Variants in VPS13B observed in about 807,000 individuals in gnomAD.
VPS13B encodes the protein intermembrane lipid transfer protein VPS13B.
In VPS13B, 285 loss-of-function variants were observed where a neutral mutation model predicts 426.4. The observed-to-expected ratio is 0.67, with a 90% CI of 0.61 to 0.74. The LOEUF (loss-of-function observed/expected upper bound fraction) is 0.74. Among genes scored for constraint, VPS13B ranks in the 30% least tolerant of loss-of-function variants. The probability of loss-of-function intolerance (pLI) is 0.00; values close to 1 mark genes in which losing one functional copy is unlikely to be tolerated. For synonymous variants in VPS13B, 1,676 were observed against 1,676.4 expected, an observed-to-expected ratio of 1.00 and a Z score of 0.01; for missense variants, 4,537 against 4,782.6, an observed-to-expected ratio of 0.95 and a Z score of 1.51.
chr8:99,127,667 A>G (rs992097721), intron 8 of VPS13B, among the ~76,000 whole-genome samples: 8 of 152,186 alleles, frequency 5.3e-5, no homozygotes, highest in African/African-American at 1.9e-4. Flanking sequence ...TGCATTCTTA[A>G]AAATTATTGA....
At chr8:99,112,881 T>C (rs1023948835) in intron 6 of VPS13B, among the ~76,000 whole-genome samples, 3 of 152,186 alleles carry the variant, frequency 2.0e-5, no homozygotes, top group Admixed American at 1.3e-4. Flanking sequence ...TGATTAGTCA[T>C]TACATTTCAC....
rs1025101062 is a variant in VPS13B at position 99,787,948 on chromosome 8, T to C, written c.7941+3472T>C. ...GTTACCAATGACTTAATTGTGGTAA[T>C]CAAACCATCAAGCAAGTGGAAATAG... is the stretch of plus-strand genomic sequence containing the variant. On this transcript the variant is annotated intron_variant, in intron 43 of 61. Coordinates refer to ENST00000357162, the MANE Select transcript of VPS13B (RefSeq NM_152564.5). Among the ~76,000 whole-genome samples, 4 of 152,140 alleles carry C rather than the reference T, an allele frequency of 2.6e-5. No individual in the cohort carries two copies. The South Asian group carries it at 8.3e-4, about 32-fold the overall frequency.
intron 20 of VPS13B, among the ~76,000 whole-genome samples, chr8:99,386,189 G>A (rs1814113006): frequency 6.6e-6 from 1 of 152,170 alleles, no homozygotes. Context: ...AGATATCCCT[G>A]AAGGTCAAGT....
intron 12 of VPS13B, among the ~76,000 whole-genome samples, chr8:99,138,223 T>G (rs368811369): frequency 6.6e-6 from 1 of 152,186 alleles, no homozygotes; most frequent in Non-Finnish European, 1.5e-5. Context: ...GCCTCCCTGG[T>G]TCAAGCGATT....
At chr8:99,126,653 A>G (rs1242122104) in intron 8 of VPS13B, among the ~76,000 whole-genome samples, 1 of 152,244 alleles carries the variant, frequency 6.6e-6, no homozygotes, top group African/African-American at 2.4e-5. Context: ...GGATTGATTT[A>G]TGAGTCTAAG....
At chr8:99,749,913 G>A (rs1364213115) in intron 39 of VPS13B, among the ~76,000 whole-genome samples, 2 of 151,952 alleles carry the variant, frequency 1.3e-5, no homozygotes, top group Admixed American at 6.6e-5. Context: ...ATTATTGCCT[G>A]TCTTTTGGAT....
At chr8:99,372,842 C>T (rs1458677157) in intron 19 of VPS13B, among the ~76,000 whole-genome samples, 1 of 152,204 alleles carries the variant, frequency 6.6e-6, no homozygotes, top group East Asian at 1.9e-4. Context: ...ATGAATCATT[C>T]TACTATAAAG....
chr8:99,101,862 A>G (rs1043227611), intron 4 of VPS13B, among the ~76,000 whole-genome samples: 1 of 152,236 alleles, frequency 6.6e-6, no homozygotes, highest in Non-Finnish European at 1.5e-5. Flanking sequence ...ATTCTGGGTT[A>G]AAGAATACAA....
At chr8:99,020,347 G>C (rs1013816251) in intron 2 of VPS13B, among the ~76,000 whole-genome samples, 1 of 152,052 alleles carries the variant, frequency 6.6e-6, no homozygotes, top group Non-Finnish European at 1.5e-5. Flanking sequence ...TTTTGTTGTT[G>C]TTGAGTTATA....
chr8:99,478,447 GTTTT>G (rs56261645), intron 24 of VPS13B, among the ~76,000 whole-genome samples: 8 of 85,746 alleles, frequency 9.3e-5, no homozygotes, highest in Admixed American at 2.9e-4. Context: ...TTTTTGTTTT[GTTTT>G]TTTTTTTTTT....
chr8:99,550,432 T>A (rs761274280), intron 30 of VPS13B, among the ~76,000 whole-genome samples: 7 of 151,844 alleles, frequency 4.6e-5, no homozygotes, highest in South Asian at 4.2e-4. Flanking sequence ...CCGTAAAATC[T>A]TTGTTGCTAT....
intron 7 of VPS13B, among the ~76,000 whole-genome samples, chr8:99,120,743 G>A (rs1265601338): frequency 6.6e-6 from 1 of 152,014 alleles, no homozygotes; most frequent in Non-Finnish European, 1.5e-5. Flanking sequence ...CATGGGTGCT[G>A]ATCAGGAAAT....
At chr8:99,135,171 G>A (rs1227092015) in intron 10 of VPS13B, 34 bp downstream of exon 10, 1 of 1,611,522 alleles carries the variant, frequency 6.2e-7, no homozygotes, top group Non-Finnish European at 8.5e-7. Flanking sequence ...TTTTGGATAG[G>A]ATATAGGAAT....
At chr8:99,468,782 G>A (rs543185084) in intron 24 of VPS13B, among the ~76,000 whole-genome samples, 38 of 152,202 alleles carry the variant, frequency 2.5e-4, no homozygotes, top group African/African-American at 8.9e-4. Context: ...AATCATAAAT[G>A]TTAAATGTTT....
chr8:99,849,002 G>A (rs1050862476), intron 55 of VPS13B, 108 bp downstream of exon 55: 3 of 1,076,668 alleles, frequency 2.8e-6, no homozygotes, highest in African/African-American at 3.1e-5. Context: ...AAAGCTTTTG[G>A]TTAATTATCA....
At chr8:99,319,232 A>G (rs1809845741) in intron 19 of VPS13B, among the ~76,000 whole-genome samples, 1 of 152,210 alleles carries the variant, frequency 6.6e-6, no homozygotes, top group Non-Finnish European at 1.5e-5. Flanking sequence ...TTGCCTGTGT[A>G]TATGTGTTGC....
intron 33 of VPS13B, among the ~76,000 whole-genome samples, chr8:99,626,940 TA>T (rs532350983): frequency 1.7e-4 from 24 of 144,500 alleles, no homozygotes; most frequent in Non-Finnish European, 3.0e-4. Context: ...TATTCAGCCT[TA>T]AAAAGGGGAA....
chr8:99,219,161 A>C (rs1815547886), intron 17 of VPS13B, among the ~76,000 whole-genome samples: 1 of 152,204 alleles, frequency 6.6e-6, no homozygotes, highest in Non-Finnish European at 1.5e-5. Flanking sequence ...GTAAACAGGT[A>C]GGCCATTGGC....
At chr8:99,071,225 G>A (rs1008954077) in intron 3 of VPS13B, among the ~76,000 whole-genome samples, 3 of 152,188 alleles carry the variant, frequency 2.0e-5, no homozygotes, top group East Asian at 1.9e-4. Flanking sequence ...GTTTGTATCC[G>A]TCCTTCTTGG....
Sources: allele counts gnomAD v4.1 joint callset (sites outside exome capture counted in the v4.1 genomes callset), GRCh38; gene constraint gnomAD v4.1.1; transcripts MANE v1.5; gene names NCBI Gene and HGNC (gene_info 2026-07-23, HGNC 2026-07-21).